Variants in IL1R1 observed in about 807,000 individuals in gnomAD.
IL1R1 encodes interleukin 1 receptor type 1.
Under a neutral mutation model 50.2 loss-of-function variants are expected in IL1R1, and 22 were observed. The ratio of observed to expected loss-of-function variants is 0.44; its 90% CI spans 0.31 to 0.63. The LOEUF (loss-of-function observed/expected upper bound fraction) is 0.63. Ranked by LOEUF, IL1R1 falls within the 20% of genes least tolerant of loss-of-function variation. IL1R1 has a pLI of 0.07. For synonymous variants in IL1R1, 251 were observed against 236.7 expected, an observed-to-expected ratio of 1.06 and a Z score of -0.55; for missense variants, 509 against 676.2, an observed-to-expected ratio of 0.75 and a Z score of 2.74.
At chr2:102,128,834 G>T (rs1681869007) in intron 1 of IL1R1, among the ~76,000 whole-genome samples, 1 of 152,160 alleles carries the variant, frequency 6.6e-6, no homozygotes, top group African/African-American at 2.4e-5. Context: ...TTGGATCCCG[G>T]TTCAGTTATT....
At chr2:102,101,005 G>T (rs1025087099), upstream of IL1R1, among the ~76,000 whole-genome samples, 1 of 152,180 alleles carries the variant, frequency 6.6e-6, no homozygotes, top group African/African-American at 2.4e-5. Flanking sequence ...ATTCTCTAGT[G>T]TAAAGAGACA....
chr2:102,075,354 G>A (rs1334032133), intron 1 of IL1R1, among the ~76,000 whole-genome samples: 2 of 152,200 alleles, frequency 1.3e-5, no homozygotes, highest in East Asian at 1.9e-4. Flanking sequence ...AGACATAGTG[G>A]GCACTGAGGA....
chr2:102,091,542 G>T (rs1239025526), intron 1 of IL1R1, among the ~76,000 whole-genome samples: 1 of 152,134 alleles, frequency 6.6e-6, no homozygotes, highest in Admixed American at 6.5e-5. Flanking sequence ...GTGATATTTT[G>T]TTGCATTCAT....
At chr2:102,095,508 C>G (rs1679858208) in intron 1 of IL1R1, among the ~76,000 whole-genome samples, 1 of 151,962 alleles carries the variant, frequency 6.6e-6, no homozygotes, top group Non-Finnish European at 1.5e-5. Flanking sequence ...CCATATAAGG[C>G]CTTAGGTTGA....
chr2:102,166,038 T>G lies in IL1R1; in HGVS notation c.487-75T>G, dbSNP rs141632540. The G allele has an allele frequency of 5.7e-5, 72 of 1,269,860 alleles. No homozygotes were observed. The African/African-American group carries it at 1.0e-3, about 18-fold the overall frequency. 78.7% of individuals were successfully genotyped at this position (1,269,860 alleles called of 1,614,324 possible). A position where few individuals can be genotyped will look rare whatever the true frequency, so the allele number is the denominator to read the frequency against. ...ATAACATTTGCTAAGGTGAAAAAAATGGAGCTCCTTTGGCGGTAGATTGGG... is the reference window on the plus strand; with the variant it reads ...ATAACATTTGCTAAGGTGAAAAAAAGGGAGCTCCTTTGGCGGTAGATTGGG... On this transcript the variant is annotated intron_variant, in intron 5 of 11. Coordinates refer to ENST00000410023, the MANE Select transcript of IL1R1 (RefSeq NM_000877.4).
chr2:102,139,247 C>T (rs1045185996), upstream of IL1R1, among the ~76,000 whole-genome samples: 1 of 152,206 alleles, frequency 6.6e-6, no homozygotes, highest in Admixed American at 6.5e-5. Flanking sequence ...TTCTGCACTG[C>T]CCCCTTTGAG....
chr2:102,120,116 C>T (rs114469532), intron 1 of IL1R1, among the ~76,000 whole-genome samples: 37 of 152,172 alleles, frequency 2.4e-4, no homozygotes, highest in African/African-American at 7.0e-4. Context: ...TTGGCCAGAT[C>T]GGACCTACAG....
At chr2:102,112,344 G>C (rs1286091664) in intron 1 of IL1R1, among the ~76,000 whole-genome samples, 2 of 151,964 alleles carry the variant, frequency 1.3e-5, no homozygotes, top group Non-Finnish European at 2.9e-5. Context: ...GTGTGAGTGT[G>C]AGTGTGTGTG....
chr2:102,112,777 T>C (rs1680848425), intron 1 of IL1R1, among the ~76,000 whole-genome samples: 1 of 152,166 alleles, frequency 6.6e-6, no homozygotes, highest in Non-Finnish European at 1.5e-5. Flanking sequence ...TGTACATAGA[T>C]TGAATGTCTG....
intron 1 of IL1R1, among the ~76,000 whole-genome samples, chr2:102,083,299 C>T (rs1679296376): frequency 6.6e-6 from 1 of 152,200 alleles, no homozygotes; most frequent in Admixed American, 6.5e-5. Flanking sequence ...CACACATCAG[C>T]TGATGACTCG....
chr2:102,147,433 A>T (rs1000870075), intron 1 of IL1R1, among the ~76,000 whole-genome samples: 6 of 152,230 alleles, frequency 3.9e-5, no homozygotes, highest in Admixed American at 1.3e-4. Flanking sequence ...CAACTTTTTG[A>T]CAAGTCCAGT....
intron 1 of IL1R1, among the ~76,000 whole-genome samples, chr2:102,079,392 T>C (rs947237398): frequency 6.6e-6 from 1 of 152,204 alleles, no homozygotes; most frequent in Middle Eastern, 3.4e-3. Flanking sequence ...CTAAACAAGC[T>C]CAGTAAGTTT....
intron 1 of IL1R1, among the ~76,000 whole-genome samples, chr2:102,136,874 C>T (rs1682372832): frequency 6.6e-6 from 1 of 152,210 alleles, no homozygotes; most frequent in Non-Finnish European, 1.5e-5. Context: ...CTGCTCTTCA[C>T]TCTTCCAAGT....
In IL1R1 at chr2:102,092,177, T is replaced by C. The variant is rs143356315; in HGVS notation, c.-84+21644T>C. Among the ~76,000 whole-genome samples, 810 of 152,212 alleles carry C rather than the reference T, an allele frequency of 5.3e-3. 4 individuals carry two copies. The highest frequency in any genetic ancestry group is 0.019 in the African/African-American group (783 of 41,530). ...AGCCCCACATAACCATTAAAAGCTT[T>C]GCTGCTTTCTCTTTTTCCAGCAGAG... On this transcript the variant is annotated intron_variant, in intron 1 of 11. Coordinates refer to the IL1R1 transcript ENST00000409929.
At chr2:102,171,153 A>G (rs1393384536) in intron 7 of IL1R1, among the ~76,000 whole-genome samples, 5 of 152,222 alleles carry the variant, frequency 3.3e-5, no homozygotes, top group Admixed American at 2.6e-4. Flanking sequence ...AAGCATGTTG[A>G]TTCACCGTGA....
chr2:102,082,917 A>T (rs1324912987), intron 1 of IL1R1, among the ~76,000 whole-genome samples: 1 of 152,192 alleles, frequency 6.6e-6, no homozygotes, highest in East Asian at 1.9e-4. Flanking sequence ...TGTATGAAGA[A>T]CAACTTCCTC....
chr2:102,134,890 G>A (rs548374333), intron 1 of IL1R1, among the ~76,000 whole-genome samples: 2 of 152,250 alleles, frequency 1.3e-5, no homozygotes, highest in South Asian at 4.1e-4. Context: ...GGTTCTGGGT[G>A]CATACCTACA....
rs558136056 is a variant in IL1R1, at chr2:102,119,135, C to T, written c.-84+14263C>T. Among the ~76,000 whole-genome samples, 12 of 151,594 alleles carry T rather than the reference C, an allele frequency of 7.9e-5. No homozygotes were observed. The East Asian group carries it at 1.9e-3, about 24-fold the overall frequency. Reference sequence around the variant, plus strand: ...AGCTTATATCTGCTGTGCAGAGCAACGAAAACATTTATGGGAGGGTAATGG... The same window carrying T: ...AGCTTATATCTGCTGTGCAGAGCAATGAAAACATTTATGGGAGGGTAATGG... On this transcript the variant is annotated intron_variant, in intron 1 of 10. Coordinates refer to the IL1R1 transcript ENST00000409329.
upstream of IL1R1, among the ~76,000 whole-genome samples, chr2:102,102,801 C>T (rs549722100): frequency 6.9e-4 from 105 of 152,088 alleles, no homozygotes; most frequent in Middle Eastern, 6.8e-3. Context: ...ATGTACACCG[C>T]GGAATATTAT....
Sources: gnomAD v4.1 joint callset for allele counts (sites outside exome capture counted in the v4.1 genomes callset) on GRCh38, gnomAD v4.1.1 for gene constraint, MANE v1.5 for transcripts, NCBI Gene and HGNC (gene_info 2026-07-23, HGNC 2026-07-21) for gene names.